Variants in REDIC1 observed in about 807,000 individuals in gnomAD.
The protein encoded by REDIC1 is HEI10 Interacting Protein 1.
At chr12:39,711,902 TACAC>T in the REDIC1 span, among the ~76,000 whole-genome samples, 1 of 121,828 alleles carries the variant, frequency 8.2e-6, no homozygotes, top group Non-Finnish European at 1.8e-5. Context: ...TATACACGTA[TACAC>T]ATGTATATAC....
At chr12:39,864,913 G>C in the REDIC1 span, 1 of 1,586,358 alleles carries the variant, frequency 6.3e-7, no homozygotes, top group South Asian at 1.2e-5. Context: ...TATTAGAGAA[G>C]AGTTGACAAT....
chr12:39,798,597 A>AGCAG, the REDIC1 span, among the ~76,000 whole-genome samples: 1 of 152,234 alleles, frequency 6.6e-6, no homozygotes, highest in Non-Finnish European at 1.5e-5. Context: ...TTCTGTCCTG[A>AGCAG]GCAGGCCCTC....
the REDIC1 span, among the ~76,000 whole-genome samples, chr12:39,698,652 A>G: frequency 6.6e-6 from 1 of 152,226 alleles, no homozygotes; most frequent in Non-Finnish European, 1.5e-5. Flanking sequence ...TATCTTTTCT[A>G]ACTACAATGG....
the REDIC1 span, among the ~76,000 whole-genome samples, chr12:39,780,945 A>T: frequency 6.6e-6 from 1 of 152,246 alleles, no homozygotes; most frequent in African/African-American, 2.4e-5. Flanking sequence ...AGTTACTGAC[A>T]TATAAGAGCT....
At chr12:39,746,614 G>A in the REDIC1 span, among the ~76,000 whole-genome samples, 57 of 152,334 alleles carry the variant, frequency 3.7e-4, no homozygotes, top group African/African-American at 1.3e-3. Context: ...ATCTGAGAAC[G>A]GACAGACTGC....
the REDIC1 span, among the ~76,000 whole-genome samples, chr12:39,835,357 AG>A: frequency 6.6e-6 from 1 of 152,128 alleles, no homozygotes; most frequent in African/African-American, 2.4e-5. Context: ...AAAACCTATT[AG>A]AATGCTGCAA....
chr12:39,827,528 A>G, the REDIC1 span, among the ~76,000 whole-genome samples: 1 of 151,698 alleles, frequency 6.6e-6, no homozygotes, highest in Non-Finnish European at 1.5e-5. Flanking sequence ...CACCACTTAC[A>G]CTCTTTTGTG....
chr12:39,874,417 C>A, the REDIC1 span, among the ~76,000 whole-genome samples: 3 of 152,072 alleles, frequency 2.0e-5, no homozygotes, highest in African/African-American at 7.2e-5. Context: ...AGTTCAAAAC[C>A]AGCCTGGCCA....
At chr12:39,762,127 A>G in the REDIC1 span, among the ~76,000 whole-genome samples, 1 of 152,024 alleles carries the variant, frequency 6.6e-6, no homozygotes, top group South Asian at 2.1e-4. Context: ...CTGCCTACTC[A>G]GTGTGGGTTC....
chr12:39,842,479 ACT>A, the REDIC1 span, among the ~76,000 whole-genome samples: 2 of 152,060 alleles, frequency 1.3e-5, no homozygotes, highest in African/African-American at 4.8e-5. Flanking sequence ...AACATGTGAC[ACT>A]CTGATAGATT....
At chr12:39,785,131 G>A in the REDIC1 span, among the ~76,000 whole-genome samples, 8 of 152,126 alleles carry the variant, frequency 5.3e-5, no homozygotes, top group South Asian at 2.1e-4. Flanking sequence ...CAAGACCATG[G>A]GGAAAATGTC....
At chr12:39,672,311 C>T in the REDIC1 span, among the ~76,000 whole-genome samples, 1 of 151,930 alleles carries the variant, frequency 6.6e-6, no homozygotes, top group East Asian at 1.9e-4. Flanking sequence ...GCAGGCTGGT[C>T]CCCGGTGTTT....
chr12:39,880,573 A>C, the REDIC1 span, among the ~76,000 whole-genome samples: 39 of 152,254 alleles, frequency 2.6e-4, no homozygotes, highest in African/African-American at 8.7e-4. Flanking sequence ...AGAAACCTGC[A>C]GAAAGTTTAC....
the REDIC1 span, among the ~76,000 whole-genome samples, chr12:39,840,024 CTTT>C: frequency 6.6e-6 from 1 of 151,214 alleles, no homozygotes; most frequent in South Asian, 2.1e-4. Context: ...ACTCTCCATT[CTTT>C]TTTTTTGTTT....
chr12:39,681,014 A>G, the REDIC1 span, among the ~76,000 whole-genome samples: 16 of 152,236 alleles, frequency 1.1e-4, no homozygotes, highest in Admixed American at 5.9e-4. Flanking sequence ...GCCTACACCT[A>G]TAATCCCAGC....
chr12:39,671,257 G>T, the REDIC1 span, among the ~76,000 whole-genome samples: 2 of 152,162 alleles, frequency 1.3e-5, no homozygotes, highest in Non-Finnish European at 2.9e-5. Flanking sequence ...TTTGATTCTG[G>T]ATACATGCAG....
the REDIC1 span, among the ~76,000 whole-genome samples, chr12:39,702,312 C>A: frequency 1.3e-5 from 2 of 152,038 alleles, no homozygotes; most frequent in African/African-American, 4.8e-5. Flanking sequence ...ACACCTCTAC[C>A]CAAGTAAACT....
the REDIC1 span, among the ~76,000 whole-genome samples, chr12:39,834,443 C>T: frequency 1.3e-5 from 2 of 152,068 alleles, no homozygotes; most frequent in Non-Finnish European, 2.9e-5. Flanking sequence ...CCAGGACCAA[C>T]ACCAAGTCTC....
At chr12:39,856,117 G>A in the REDIC1 span, among the ~76,000 whole-genome samples, 1 of 152,170 alleles carries the variant, frequency 6.6e-6, no homozygotes, top group Non-Finnish European at 1.5e-5. Context: ...GCAACAAGGT[G>A]TTGCCAAATT....
Sources: gnomAD v4.1 joint callset for allele counts (sites outside exome capture counted in the v4.1 genomes callset) on GRCh38, gnomAD v4.1.1 for gene constraint, MANE v1.5 for transcripts, NCBI Gene and HGNC (gene_info 2026-07-23, HGNC 2026-07-21) for gene names.